Variants in MEOX2 observed in about 807,000 individuals in gnomAD.
MEOX2 encodes mesenchyme homeobox 2.
MEOX2 carries 11 observed loss-of-function variants against 27.0 expected under a neutral mutation model. The ratio of observed to expected loss-of-function variants is 0.41; its 90% CI spans 0.26 to 0.68. MEOX2 has a LOEUF of 0.68. MEOX2 is among the 30% of genes least tolerant of loss of function. The pLI, the probability that MEOX2 is intolerant of heterozygous loss-of-function variation, is 0.33. For missense variants in MEOX2, 436 were observed against 385.4 expected (o/e 1.13, Z -1.10); for synonymous variants, 189 against 155.4 (o/e 1.22, Z -1.61).
At chr7:15,685,835 C>T in intron 1 of MEOX2, 51 bp downstream of exon 1, 1 of 1,539,256 alleles carries the variant, frequency 6.5e-7, no homozygotes, top group East Asian at 2.3e-5. Context: ...TATCTCTCCG[C>T]CCCTTTTCCA....
chr7:15,629,409 C>A (rs1359761969), intron 1 of MEOX2, among the ~76,000 whole-genome samples: 1 of 152,064 alleles, frequency 6.6e-6, no homozygotes. Flanking sequence ...TATTTAAATC[C>A]ATAAATTATT....
chr7:15,615,844 T>C (rs1391400618), intron 2 of MEOX2, among the ~76,000 whole-genome samples: 1 of 152,148 alleles, frequency 6.6e-6, no homozygotes, highest in African/African-American at 2.4e-5. Context: ...TAAATAATCC[T>C]GGCAGAAAAA....
At chr7:15,625,272 G>T (rs889233990) in intron 2 of MEOX2, among the ~76,000 whole-genome samples, 7 of 152,096 alleles carry the variant, frequency 4.6e-5, no homozygotes, top group Admixed American at 1.3e-4. Flanking sequence ...TAAAATAGAG[G>T]TCTGATGATG....
intron 1 of MEOX2, among the ~76,000 whole-genome samples, chr7:15,633,090 C>G (rs1346005852): frequency 6.6e-6 from 1 of 151,934 alleles, no homozygotes; most frequent in African/African-American, 2.4e-5. Context: ...TCTTACAATG[C>G]TTACCACATT....
chr7:15,643,416 G>A (rs1292633618), intron 1 of MEOX2, among the ~76,000 whole-genome samples: 1 of 152,156 alleles, frequency 6.6e-6, no homozygotes, highest in African/African-American at 2.4e-5. Flanking sequence ...AGGTCTAGGG[G>A]CAGCTCTCAG....
chr7:15,633,261 A>G (rs1781429397), intron 1 of MEOX2, among the ~76,000 whole-genome samples: 1 of 152,032 alleles, frequency 6.6e-6, no homozygotes, highest in Middle Eastern at 3.4e-3. Flanking sequence ...AGTGAAGAGA[A>G]CTCAAGCTTC....
intron 1 of MEOX2, among the ~76,000 whole-genome samples, chr7:15,666,765 AAAAAAAAAAAAAAAAT>A (rs58404247): frequency 6.9e-4 from 54 of 78,480 alleles, no homozygotes; most frequent in African/African-American, 1.9e-3. Context: ...AAAAAAAAAA[AAAAAAAAAAAAAAAAT>A]ATATATATAT....
chr7:15,651,739 TAAGA>T (rs939219611), intron 1 of MEOX2, among the ~76,000 whole-genome samples: 3 of 151,808 alleles, frequency 2.0e-5, no homozygotes, highest in Non-Finnish European at 2.9e-5. Flanking sequence ...GAATTCATAG[TAAGA>T]AAGACTCTAC....
At chr7:15,646,146 T>G (rs550581028) in intron 1 of MEOX2, among the ~76,000 whole-genome samples, 11 of 152,212 alleles carry the variant, frequency 7.2e-5, no homozygotes, top group African/African-American at 2.6e-4. Flanking sequence ...TAGTCCCTGT[T>G]TATTTATCTG....
intron 1 of MEOX2, among the ~76,000 whole-genome samples, chr7:15,629,994 C>T (rs1233642514): frequency 6.6e-6 from 1 of 152,014 alleles, no homozygotes; most frequent in Non-Finnish European, 1.5e-5. Context: ...ATGGTAGGTG[C>T]TGAGGGGGGA....
chr7:15,627,502 T>G (rs921771860), intron 1 of MEOX2, among the ~76,000 whole-genome samples: 1 of 152,070 alleles, frequency 6.6e-6, no homozygotes, highest in Non-Finnish European at 1.5e-5. Context: ...TAGTCCAACA[T>G]GGAATCTATA....
intron 1 of MEOX2, among the ~76,000 whole-genome samples, chr7:15,678,640 C>G (rs1051680492): frequency 5.3e-5 from 8 of 152,306 alleles, no homozygotes; most frequent in African/African-American, 1.9e-4. Context: ...AGTGGACAAG[C>G]TACCTCAACA....
chr7:15,649,812 G>A (rs1439328952), intron 1 of MEOX2, among the ~76,000 whole-genome samples: 2 of 152,082 alleles, frequency 1.3e-5, no homozygotes, highest in Non-Finnish European at 2.9e-5. Context: ...ATGGGGCTGA[G>A]TAGATCAGGA....
chr7:15,663,054 A>G (rs1781942412), intron 1 of MEOX2, among the ~76,000 whole-genome samples: 1 of 152,204 alleles, frequency 6.6e-6, no homozygotes, highest in South Asian at 2.1e-4. Context: ...TCTCACATCT[A>G]TAAATAACCA....
chr7:15,614,332 T>G (rs1221756514), intron 2 of MEOX2, among the ~76,000 whole-genome samples: 2 of 152,108 alleles, frequency 1.3e-5, no homozygotes, highest in Non-Finnish European at 2.9e-5. Flanking sequence ...GAGGATTGCT[T>G]GAGCCCAAGT....
At position 15,616,432 on chromosome 7, in the gene MEOX2, C is replaced by A. The variant is rs987358224; in HGVS notation, c.691-3821G>T. Among the ~76,000 whole-genome samples, 3 of 151,666 alleles carry A rather than the reference C, an allele frequency of 2.0e-5. No individual in the cohort carries two copies. The South Asian group carries it at 6.2e-4, about 31-fold the overall frequency. ...AACACACATTTTTCTATTAGCATCA[C>A]GGTATTAGCAATCCCCCCAACAAAA... On this transcript the variant is annotated intron_variant, in intron 2 of 2. Transcript: ENST00000262041.
chr7:15,612,706 C>T, intron 2 of MEOX2, 95 bp from the exon 3 acceptor site: 2 of 979,870 alleles, frequency 2.0e-6, no homozygotes, highest in East Asian at 2.5e-5. Context: ...AGAAGTTCCT[C>T]AAAGGCTTAT....
chr7:15,670,908 A>G (rs1292622509), intron 1 of MEOX2, among the ~76,000 whole-genome samples: 1 of 152,196 alleles, frequency 6.6e-6, no homozygotes, highest in African/African-American at 2.4e-5. Context: ...TTGTCTATAT[A>G]TTGCAGTCAC....
chr7:15,635,976 A>G (rs1171994802), intron 1 of MEOX2, among the ~76,000 whole-genome samples: 1 of 151,986 alleles, frequency 6.6e-6, no homozygotes, highest in African/African-American at 2.4e-5. Context: ...ATACCCAATA[A>G]AACGGAGTCA....
Sources: allele counts gnomAD v4.1 joint callset (sites outside exome capture counted in the v4.1 genomes callset), GRCh38; gene constraint gnomAD v4.1.1; transcripts MANE v1.5; gene names NCBI Gene and HGNC (gene_info 2026-07-23, HGNC 2026-07-21).